DAB1: variants seen among roughly 807,000 people sequenced by gnomAD.
The protein encoded by DAB1 is disabled homolog 1.
Under a neutral mutation model 64.6 loss-of-function variants are expected in DAB1, and 15 were observed. The ratio of observed to expected loss-of-function variants is 0.23; its 90% confidence interval spans 0.16 to 0.36. The LOEUF is 0.36. Among genes scored for constraint, DAB1 ranks in the 10% least tolerant of loss-of-function variants. The pLI, the probability that DAB1 is intolerant of heterozygous loss-of-function variation, is 1.00. For missense variants in DAB1, 596 were observed against 706.7 expected, an observed-to-expected ratio of 0.84 and a Z score of 1.78; for synonymous variants, 235 against 251.9, an observed-to-expected ratio of 0.93 and a Z score of 0.64.
chr1:57,040,645 A>G (rs894715714), intron 9 of DAB1, among the ~76,000 whole-genome samples: 1 of 152,222 alleles, frequency 6.6e-6, no homozygotes, highest in Non-Finnish European at 1.5e-5. Context: ...GTATAAATAT[A>G]CACAGAAAAC....
intron 7 of DAB1, among the ~76,000 whole-genome samples, chr1:57,606,598 AT>A (rs1205045776): frequency 8.4e-6 from 1 of 119,110 alleles, no homozygotes; most frequent in Non-Finnish European, 1.6e-5. Context: ...TATATTATAT[AT>A]TATATATATG....
chr1:57,390,958 C>T (rs1235473266), intron 1 of DAB1, among the ~76,000 whole-genome samples: 1 of 152,174 alleles, frequency 6.6e-6, no homozygotes, highest in Non-Finnish European at 1.5e-5. Flanking sequence ...ACTTCTTGAT[C>T]TAAATAATCT....
At chr1:57,721,798 A>C (rs868493846) in intron 6 of DAB1, among the ~76,000 whole-genome samples, 2 of 152,272 alleles carry the variant, frequency 1.3e-5, no homozygotes, top group South Asian at 4.1e-4. Context: ...GCATCCATCT[A>C]TGTGCTTTGT....
intron 1 of DAB1, among the ~76,000 whole-genome samples, chr1:57,831,581 A>T (rs913036812): frequency 7.9e-6 from 1 of 127,106 alleles, no homozygotes; most frequent in African/African-American, 3.1e-5. Context: ...TTACCCTGCT[A>T]CCCAGGCTGG....
chr1:58,349,454 T>C (rs76003851), intron 3 of DAB1, among the ~76,000 whole-genome samples: 5 of 137,070 alleles, frequency 3.6e-5, no homozygotes, highest in African/African-American at 5.3e-5. Flanking sequence ...TTATTATTAT[T>C]ATCATTATTA....
intron 2 of DAB1, among the ~76,000 whole-genome samples, chr1:57,205,044 A>G (rs1346079885): frequency 1.3e-5 from 2 of 152,202 alleles, no homozygotes; most frequent in Non-Finnish European, 1.5e-5. Context: ...CCCATTTGAG[A>G]GTGTTAATGG....
At chr1:58,194,610 G>A (rs979041906) in intron 4 of DAB1, among the ~76,000 whole-genome samples, 6 of 152,144 alleles carry the variant, frequency 3.9e-5, no homozygotes, top group Non-Finnish European at 7.4e-5. Flanking sequence ...AGAAACTCTC[G>A]TATTTATAAC....
intron 3 of DAB1, among the ~76,000 whole-genome samples, chr1:58,447,228 T>C (rs1398967903): frequency 6.6e-6 from 1 of 152,162 alleles, no homozygotes; most frequent in Admixed American, 6.5e-5. Flanking sequence ...GCTGAAAGAA[T>C]AGTAGCAAGG....
intron 4 of DAB1, among the ~76,000 whole-genome samples, chr1:58,250,936 T>A (rs768868020): frequency 6.6e-6 from 1 of 152,212 alleles, no homozygotes; most frequent in Non-Finnish European, 1.5e-5. Flanking sequence ...CACACTCTTC[T>A]GCAGGTACAT....
At chr1:58,233,438 C>T (rs901675574) in intron 4 of DAB1, among the ~76,000 whole-genome samples, 2 of 152,236 alleles carry the variant, frequency 1.3e-5, no homozygotes, top group African/African-American at 4.8e-5. Flanking sequence ...CTCCGATCAC[C>T]ATATGGAGCC....
chr1:58,145,438 G>A lies in DAB1; in HGVS notation n.387+5073C>T, dbSNP rs1481530870. Among the ~76,000 whole-genome samples, 5 of 152,182 alleles carry A rather than the reference G, an allele frequency of 3.3e-5. No homozygotes were observed. In the South Asian group the frequency reaches 6.2e-4, roughly 19 times the overall value. On this transcript the variant is annotated intron_variant and non_coding_transcript_variant, in intron 5 of 20. Transcript: ENST00000485760. Reference sequence around the variant, plus strand: ...TTAGTACTCCCGTCACATGGATGTCGTAAAGATTAAATATAATGATGAAAG... The same window carrying A: ...TTAGTACTCCCGTCACATGGATGTCATAAAGATTAAATATAATGATGAAAG...
chr1:57,768,591 T>C (rs539634577), intron 6 of DAB1, among the ~76,000 whole-genome samples: 13 of 150,228 alleles, frequency 8.7e-5, no homozygotes, highest in African/African-American at 3.2e-4. Flanking sequence ...TACACAAACA[T>C]ATAAATATAT....
chr1:57,354,838 T>C (rs780132542), intron 1 of DAB1, among the ~76,000 whole-genome samples: 29 of 152,114 alleles, frequency 1.9e-4, no homozygotes, highest in Non-Finnish European at 3.4e-4. Context: ...GGTTGGGATC[T>C]GAAGGACTGC....
At chr1:57,556,149 A>G (rs72676951) in intron 7 of DAB1, among the ~76,000 whole-genome samples, 3,650 of 152,226 alleles carry the variant, frequency 0.024, 59 homozygotes, top group Non-Finnish European at 0.036. Context: ...TGGTATATAC[A>G]TACCACGTTT....
At chr1:58,063,602 G>C (rs1482936342) in intron 5 of DAB1, among the ~76,000 whole-genome samples, 1 of 152,166 alleles carries the variant, frequency 6.6e-6, no homozygotes, top group East Asian at 1.9e-4. Flanking sequence ...TAGAGATCTT[G>C]GCCAAGCAAC....
intron 2 of DAB1, among the ~76,000 whole-genome samples, chr1:58,515,578 T>C (rs770630337): frequency 6.6e-6 from 1 of 152,200 alleles, no homozygotes; most frequent in Non-Finnish European, 1.5e-5. Flanking sequence ...TTCCAAATAA[T>C]GTATGCATTA....
At chr1:57,398,006 G>A (rs78204090) in intron 1 of DAB1, among the ~76,000 whole-genome samples, 1,853 of 152,300 alleles carry the variant, frequency 0.012, 48 homozygotes, top group African/African-American at 0.042. Context: ...CATCAGGTAA[G>A]TATATGTTGT....
chr1:57,302,436 C>T (rs115210775), intron 1 of DAB1, among the ~76,000 whole-genome samples: 4,045 of 152,230 alleles, frequency 0.027, 178 homozygotes, highest in African/African-American at 0.092. Context: ...CCTTCCCTGA[C>T]CACCTTCCTG....
At chr1:57,529,274 G>T (rs964137637) in intron 7 of DAB1, among the ~76,000 whole-genome samples, 2 of 152,014 alleles carry the variant, frequency 1.3e-5, no homozygotes, top group Non-Finnish European at 2.9e-5. Flanking sequence ...TACTGAAAGA[G>T]TACCTGAGTA....
Sources: gnomAD v4.1 joint callset for allele counts (sites outside exome capture counted in the v4.1 genomes callset) on GRCh38, gnomAD v4.1.1 for gene constraint, MANE v1.5 for transcripts, NCBI Gene and HGNC (gene_info 2026-07-23, HGNC 2026-07-21) for gene names.